The following GULP1 variants were observed in gnomAD, a reference collection of about 807,000 sequenced individuals.
The protein encoded by GULP1 is GULP PTB domain containing engulfment adaptor 1.
GULP1 carries 19 observed loss-of-function variants against 40.9 expected under a neutral mutation model. The ratio of observed to expected loss-of-function variants is 0.46; its 90% CI spans 0.32 to 0.68. The LOEUF (loss-of-function observed/expected upper bound fraction) is 0.68. Among genes scored for constraint, GULP1 ranks in the 30% least tolerant of loss-of-function variants. The probability of loss-of-function intolerance (pLI) is 0.03; values close to 1 mark genes in which losing one functional copy is unlikely to be tolerated. For synonymous variants in GULP1, 119 were observed against 117.6 expected (o/e 1.01, Z -0.08); for missense variants, 312 against 362.2 (o/e 0.86, Z 1.12).
At chr2:188,543,844 G>T (rs562028257) in intron 7 of GULP1, among the ~76,000 whole-genome samples, 1 of 152,184 alleles carries the variant, frequency 6.6e-6, no homozygotes, top group Admixed American at 6.5e-5. Context: ...GACTTTATCT[G>T]TTCATTGTAT....
intron 4 of GULP1, among the ~76,000 whole-genome samples, chr2:188,499,129 G>C (rs1044935282): frequency 5.6e-5 from 5 of 89,116 alleles, no homozygotes. Flanking sequence ...GCACATATAT[G>C]TGTGTGTATA....
chr2:188,570,147 C>A, intron 9 of GULP1, 27 bp downstream of exon 9: 1 of 927,734 alleles, frequency 1.1e-6, no homozygotes, highest in Non-Finnish European at 1.7e-6. Context: ...TCCTTAGAAA[C>A]AAGATTTTAT....
chr2:188,580,277 G>A (rs576151725), intron 9 of GULP1, among the ~76,000 whole-genome samples: 1 of 152,294 alleles, frequency 6.6e-6, no homozygotes, highest in East Asian at 1.9e-4. Flanking sequence ...ATCAAGGCCG[G>A]GCGCGGTGGC....
chr2:188,364,434 A>T (rs116433103), intron 1 of GULP1, among the ~76,000 whole-genome samples: 379 of 152,332 alleles, frequency 2.5e-3, no homozygotes, highest in African/African-American at 8.1e-3. Flanking sequence ...GCATCTGTGT[A>T]GTAATAAAGC....
intron 1 of GULP1, among the ~76,000 whole-genome samples, chr2:188,308,651 A>G (rs552079805): frequency 2.6e-5 from 4 of 152,282 alleles, no homozygotes; most frequent in Middle Eastern, 3.4e-3. Flanking sequence ...AAGATGAGTT[A>G]TTAAAGACTT....
At chr2:188,368,955 A>G (rs866904931) in intron 1 of GULP1, among the ~76,000 whole-genome samples, 56 of 117,958 alleles carry the variant, frequency 4.7e-4, no homozygotes, top group African/African-American at 2.5e-3. Context: ...ATATATATAT[A>G]TATATATATA....
At chr2:188,419,287 G>A (rs113497453) in intron 2 of GULP1, among the ~76,000 whole-genome samples, 42 of 152,116 alleles carry the variant, frequency 2.8e-4, no homozygotes, top group African/African-American at 8.2e-4. Flanking sequence ...ACTTTCATCC[G>A]TAATGGCTGC....
intron 4 of GULP1, among the ~76,000 whole-genome samples, chr2:188,520,629 AT>A (rs2065660682): frequency 1.3e-5 from 2 of 151,328 alleles, no homozygotes; most frequent in African/African-American, 2.4e-5. Context: ...TCTAGCCTCC[AT>A]TTGTTCATCA....
At chr2:188,577,656 C>T (rs533169255) in intron 9 of GULP1, among the ~76,000 whole-genome samples, 80 of 152,182 alleles carry the variant, frequency 5.3e-4, no homozygotes, top group African/African-American at 1.9e-3. Context: ...ACAATTATAT[C>T]CATTTAACTT....
chr2:188,294,887 G>A (rs1489841649), intron 1 of GULP1, among the ~76,000 whole-genome samples: 1 of 152,102 alleles, frequency 6.6e-6, no homozygotes, highest in Admixed American at 6.5e-5. Context: ...GGATAAAATA[G>A]GAATACTTCT....
chr2:188,539,687 T>G (rs1689933427), intron 6 of GULP1, among the ~76,000 whole-genome samples: 1 of 152,148 alleles, frequency 6.6e-6, no homozygotes, highest in Admixed American at 6.5e-5. Context: ...ACCGTTTGGT[T>G]TACCATTGTA....
chr2:188,560,414 A>G (rs1046251888), intron 7 of GULP1, among the ~76,000 whole-genome samples: 4 of 152,188 alleles, frequency 2.6e-5, no homozygotes, highest in Non-Finnish European at 4.4e-5. Context: ...CTACATCACT[A>G]TTGGCATTTT....
At chr2:188,501,999 A>G (rs2063479213) in intron 4 of GULP1, among the ~76,000 whole-genome samples, 1 of 151,752 alleles carries the variant, frequency 6.6e-6, no homozygotes. Flanking sequence ...CATATTTTTA[A>G]TTTTTTTAAT....
intron 7 of GULP1, among the ~76,000 whole-genome samples, chr2:188,549,238 G>A (rs1488410970): frequency 3.3e-5 from 5 of 151,810 alleles, no homozygotes; most frequent in South Asian, 4.2e-4. Flanking sequence ...ATGAAAAGAC[G>A]GGGAGAAAGT....
At chr2:188,542,833 A>G (rs1170426535) in intron 7 of GULP1, among the ~76,000 whole-genome samples, 4 of 152,188 alleles carry the variant, frequency 2.6e-5, no homozygotes, top group African/African-American at 9.6e-5. Flanking sequence ...TTTGTTGAAT[A>G]TCTTCTACAC....
intron 2 of GULP1, among the ~76,000 whole-genome samples, chr2:188,411,060 G>A (rs1211093323): frequency 2.0e-5 from 3 of 152,120 alleles, no homozygotes; most frequent in Non-Finnish European, 4.4e-5. Context: ...CCCTCTAGTG[G>A]TGTTTACTCA....
In GULP1 at chr2:188,541,316, T is replaced by A. The variant is rs200494157; in HGVS notation, c.397T>A (p.Cys133Ser). Residue 133 changes from cysteine (C) to serine (S), a missense_variant and splice_region_variant, in exon 7 of 12, where the codon TGT becomes AGT. Coordinates refer to ENST00000409830, the MANE Select transcript of GULP1 (RefSeq NM_016315.4). Reference protein sequence around the residue: ...HLCYVFDSEKCAEEITLTIGQ... With the variant: ...HLCYVFDSEKSAEEITLTIGQ... ...GTGCTATGTATTTGACAGCGAAAAG[T>A]GTGTAAGTATCCCAGATGTTGTAGG... The A allele has an allele frequency of 3.8e-5, 62 of 1,612,864 alleles. No homozygotes were observed. The highest frequency in any genetic ancestry group is 1.9e-5 in the Non-Finnish European group (22 of 1,179,044).
Position 188,588,023 on chromosome 2 carries a change from C to A in GULP1, c.843+74C>A, listed in dbSNP as rs905117066. ...ATGGGACAAAGAGAATGTTATGTAC[C>A]AAAACTATGGTTTCCTTCAATTATT... is the stretch of plus-strand genomic sequence containing the variant. On this transcript the variant is annotated intron_variant, in intron 11 of 11. Transcript: ENST00000409830. The A allele has an allele frequency of 9.7e-6, 8 of 825,504 alleles. No individual in the cohort carries two copies. In the African/African-American group the frequency reaches 1.3e-4, roughly 14 times the overall value. 51.1% of individuals were successfully genotyped at this position (825,504 alleles called of 1,614,324 possible). A position where few individuals can be genotyped will look rare whatever the true frequency, so the allele number is the denominator to read the frequency against.
At chr2:188,301,411 T>C (rs1377168294) in intron 1 of GULP1, among the ~76,000 whole-genome samples, 1 of 152,230 alleles carries the variant, frequency 6.6e-6, no homozygotes, top group East Asian at 1.9e-4. Flanking sequence ...TTCTTGCATT[T>C]CCATTTGTAA....
Sources: allele counts gnomAD v4.1 joint callset (sites outside exome capture counted in the v4.1 genomes callset), GRCh38; gene constraint gnomAD v4.1.1; transcripts MANE v1.5; gene names NCBI Gene and HGNC (gene_info 2026-07-23, HGNC 2026-07-21).